Variants in TBX15 observed in about 807,000 individuals in gnomAD.
The protein encoded by TBX15 is T-box transcription factor TBX15.
In TBX15, 18 loss-of-function variants were observed where a neutral mutation model predicts 53.9. The ratio of observed to expected loss-of-function variants is 0.33; its 90% confidence interval spans 0.23 to 0.49. TBX15 has a LOEUF of 0.49. Ranked by LOEUF, TBX15 falls within the 20% of genes least tolerant of loss-of-function variation. The pLI is 0.98. For synonymous variants in TBX15, 295 were observed against 278.0 expected (o/e 1.06, Z -0.61); for missense variants, 692 against 749.5 (o/e 0.92, Z 0.90).
At position 118,884,623 on chromosome 1, in the gene TBX15, AAAC is replaced by A. The variant is rs1653858685; in HGVS notation, c.*106_*108del. 6 of 1,380,016 alleles carry A rather than the reference AAAC, an allele frequency of 4.3e-6. No homozygotes were observed. The highest frequency in any genetic ancestry group is 1.5e-5 in the African/African-American group (1 of 67,226). 85.5% of individuals were successfully genotyped at this position (1,380,016 alleles called of 1,614,324 possible). A position where few individuals can be genotyped will look rare whatever the true frequency, so the allele number is the denominator to read the frequency against. On this transcript the variant is annotated 3_prime_UTR_variant, in exon 8 of 8. Coordinates refer to ENST00000369429, the MANE Select transcript of TBX15 (RefSeq NM_001330677.2). The stretch of plus-strand genomic sequence containing the variant: ...TCGGCCAGAAAAAAAAAAAAAAAAA[AAAC>A]ACGGTTCCTGTTTTTCAAAGACACT...
chr1:118,901,698 T>C (rs1256111869), intron 6 of TBX15, among the ~76,000 whole-genome samples: 1 of 152,160 alleles, frequency 6.6e-6, no homozygotes, highest in Non-Finnish European at 1.5e-5. Context: ...TGAATGGTTA[T>C]CCACCTCTGT....
intron 6 of TBX15, among the ~76,000 whole-genome samples, chr1:118,910,295 G>T (rs1013668205): frequency 6.6e-6 from 1 of 152,206 alleles, no homozygotes; most frequent in Non-Finnish European, 1.5e-5. Context: ...TAAAGGAAAT[G>T]TAATCCGTAT....
chr1:118,941,580 C>T (rs1656178467), intron 1 of TBX15, among the ~76,000 whole-genome samples: 1 of 152,154 alleles, frequency 6.6e-6, no homozygotes. Context: ...AACAACCTCT[C>T]CAGTAATCAA....
At chr1:118,893,505 AGAAAGAAAGAAAGAAAGAAAGAAG>A (rs1347621313) in intron 7 of TBX15, among the ~76,000 whole-genome samples, 1 of 128,292 alleles carries the variant, frequency 7.8e-6, no homozygotes, top group African/African-American at 4.1e-5. Context: ...AAAGAAAGAA[AGAAAGAAAGAAAGAAAGAAAGAAG>A]GAAAGAAAGA....
intron 4 of TBX15, among the ~76,000 whole-genome samples, chr1:118,923,894 A>C (rs1655508683): frequency 6.6e-6 from 1 of 152,232 alleles, no homozygotes; most frequent in East Asian, 1.9e-4. Flanking sequence ...TGTCACTAAA[A>C]GGTTTCAGAA....
intron 7 of TBX15, chr1:118,890,977 G>A: frequency 7.7e-7 from 1 of 1,297,618 alleles, no homozygotes; most frequent in Non-Finnish European, 1.0e-6. Context: ...TTTCAAACAG[G>A]TAAAAGGTAA....
At chr1:118,899,572 C>T (rs919234887) in intron 6 of TBX15, among the ~76,000 whole-genome samples, 16 of 152,010 alleles carry the variant, frequency 1.1e-4, no homozygotes, top group African/African-American at 3.6e-4. Flanking sequence ...ATGTACAGAA[C>T]GAATGGAACT....
Position 118,892,661 on chromosome 1 carries a change from C to T in TBX15, c.1024+6367G>A, listed in dbSNP as rs546385153. On this transcript the variant is annotated intron_variant, in intron 7 of 7. Transcript: ENST00000369429. ...TTTGTAGTCTTCTCTAACAGTAATACTCATGTTTTTTCTCCTACTGGGTTT... is the reference window on the plus strand; with the variant it reads ...TTTGTAGTCTTCTCTAACAGTAATATTCATGTTTTTTCTCCTACTGGGTTT... 2.0e-5 allele frequency among the ~76,000 whole-genome samples: 3 copies of T among 152,018 alleles called. No individual in the cohort carries two copies. In the East Asian group the frequency reaches 5.8e-4, roughly 29 times the overall value.
At chr1:118,919,093 T>G (rs1322518459) in intron 5 of TBX15, among the ~76,000 whole-genome samples, 1 of 152,192 alleles carries the variant, frequency 6.6e-6, no homozygotes, top group Non-Finnish European at 1.5e-5. Flanking sequence ...GGCTGTGGTT[T>G]CCAACTTCCT....
intron 1 of TBX15, among the ~76,000 whole-genome samples, chr1:118,977,147 A>C (rs1333361705): frequency 6.6e-6 from 1 of 152,240 alleles, no homozygotes; most frequent in East Asian, 1.9e-4. Flanking sequence ...ACCAGGGCTC[A>C]GACACATGAA....
rs1448532622 is a variant in TBX15, at chr1:118,893,331, A to AGG, written c.1024+5696_1024+5697insCC. On this transcript the variant is annotated intron_variant, in intron 7 of 7. Transcript: ENST00000369429. ...GAAGGAAGGAAAGAAAGAAAGAAGA[A>AGG]AGAAGGAAGGAAGGAAGGAAGGAAG... is the stretch of plus-strand genomic sequence containing the variant. Among the ~76,000 whole-genome samples the AGG allele has an allele frequency of 1.5e-3, 139 of 93,968 alleles. 1 individual carries two copies. The highest frequency in any genetic ancestry group is 2.1e-3 in the Non-Finnish European group (109 of 50,964). The allele number at this position is 93,968 out of a possible 152,430, so 61.6% of individuals were successfully genotyped here.
rs1024995860 is a variant in TBX15 at position 118,987,875 on chromosome 1, C to G, written c.-80G>C. ...GCGCCCTCAAGCTCTGAGCGCCCAC[C>G]GGGCCCGGCCCGGGAGAGGCGGAGG... is the stretch of plus-strand genomic sequence containing the variant. On this transcript the variant is annotated 5_prime_UTR_variant, in exon 1 of 8. Transcript: ENST00000369429. The G allele has an allele frequency of 6.6e-7, 1 of 1,514,170 alleles. No homozygotes were observed. Among genetic ancestry groups the G allele is most frequent in the Non-Finnish European group, 8.9e-7 (1 of 1,126,072 alleles). The allele number at this position is 1,514,170 out of a possible 1,614,324, so 93.8% of individuals were successfully genotyped here.
chr1:118,943,658 A>C (rs1166483718), intron 1 of TBX15, among the ~76,000 whole-genome samples: 1 of 152,190 alleles, frequency 6.6e-6, no homozygotes, highest in Non-Finnish European at 1.5e-5. Flanking sequence ...AGCTGCCCAA[A>C]GGCATTGTTC....
intron 1 of TBX15, among the ~76,000 whole-genome samples, chr1:118,956,416 G>T (rs1464819896): frequency 2.0e-5 from 3 of 152,052 alleles, no homozygotes; most frequent in East Asian, 1.9e-4. Context: ...ATATATAAAT[G>T]TTTATACAAA....
At chr1:118,950,438 C>A in intron 1 of TBX15, among the ~76,000 whole-genome samples, 1 of 152,218 alleles carries the variant, frequency 6.6e-6, no homozygotes, top group Middle Eastern at 3.2e-3. Flanking sequence ...GGGGCAGAGG[C>A]CACTTGATGT....
chr1:118,963,201 A>G (rs925180685), intron 1 of TBX15, among the ~76,000 whole-genome samples: 3 of 152,214 alleles, frequency 2.0e-5, no homozygotes, highest in African/African-American at 7.2e-5. Context: ...CATAATATTA[A>G]CTCACAGAAA....
chr1:118,949,771 T>C (rs1266289950), intron 1 of TBX15, among the ~76,000 whole-genome samples: 2 of 152,156 alleles, frequency 1.3e-5, no homozygotes, highest in Admixed American at 1.3e-4. Context: ...CTTAAGATGG[T>C]CCAGATTGCT....
intron 1 of TBX15, among the ~76,000 whole-genome samples, chr1:118,933,039 A>G (rs1366911510): frequency 6.6e-6 from 1 of 152,180 alleles, no homozygotes; most frequent in Non-Finnish European, 1.5e-5. Context: ...TTGAGCATCA[A>G]TCCTTGACAC....
At chr1:118,946,433 G>A (rs895319766) in intron 1 of TBX15, among the ~76,000 whole-genome samples, 2 of 152,066 alleles carry the variant, frequency 1.3e-5, no homozygotes, top group Non-Finnish European at 1.5e-5. Context: ...GATTCTCAAA[G>A]GAATCTATGA....
Sources: allele counts gnomAD v4.1 joint callset (sites outside exome capture counted in the v4.1 genomes callset), GRCh38; gene constraint gnomAD v4.1.1; transcripts MANE v1.5; gene names NCBI Gene and HGNC (gene_info 2026-07-23, HGNC 2026-07-21).